Variants in PAX2 observed in about 807,000 individuals in gnomAD.
The protein encoded by PAX2 is paired box 2.
Under a neutral mutation model 41.7 loss-of-function variants are expected in PAX2, and 9 were observed. The observed-to-expected ratio is 0.22, with a 90% CI of 0.13 to 0.38. The LOEUF (loss-of-function observed/expected upper bound fraction) is 0.38. Among genes scored for constraint, PAX2 ranks in the 10% least tolerant of loss-of-function variants. The pLI, the probability that PAX2 is intolerant of heterozygous loss-of-function variation, is 1.00. For synonymous variants in PAX2, 221 were observed against 212.7 expected, an observed-to-expected ratio of 1.04 and a Z score of -0.34; for missense variants, 418 against 531.6, an observed-to-expected ratio of 0.79 and a Z score of 2.10.
At chr10:100,773,129 ATTTACTG>A (rs1244182145) in intron 3 of PAX2, among the ~76,000 whole-genome samples, 1 of 152,224 alleles carries the variant, frequency 6.6e-6, no homozygotes, top group African/African-American at 2.4e-5. Flanking sequence ...CAAATCCCAG[ATTTACTG>A]TTTATTAAAT....
At chr10:100,740,770 C>T (rs1310311471), upstream of PAX2, among the ~76,000 whole-genome samples, 1 of 51,796 alleles carries the variant, frequency 1.9e-5, no homozygotes, top group Non-Finnish European at 4.1e-5. Flanking sequence ...GGGTGAGTGG[C>T]CCCTTTAGGA....
At chr10:100,790,355 T>G (rs1434948526) in intron 5 of PAX2, among the ~76,000 whole-genome samples, 2 of 152,096 alleles carry the variant, frequency 1.3e-5, no homozygotes, top group Non-Finnish European at 2.9e-5. Context: ...AGCTCCATGT[T>G]TGCACCCTCG....
chr10:100,763,131 T>G (rs1363449403), intron 3 of PAX2, among the ~76,000 whole-genome samples: 5 of 152,232 alleles, frequency 3.3e-5, no homozygotes, highest in Admixed American at 6.5e-5. Context: ...CCTGTCCTCC[T>G]TTTTCTGTTT....
At chr10:100,758,329 A>T (rs1453991368) in intron 3 of PAX2, among the ~76,000 whole-genome samples, 1 of 151,926 alleles carries the variant, frequency 6.6e-6, no homozygotes, top group African/African-American at 2.4e-5. Flanking sequence ...TTTAGTAGAG[A>T]TGGGGTTTCA....
intron 7 of PAX2, among the ~76,000 whole-genome samples, chr10:100,809,654 G>A (rs2133957438): frequency 6.6e-6 from 1 of 152,336 alleles, no homozygotes; most frequent in South Asian, 2.1e-4. Flanking sequence ...AGGCTCCTGG[G>A]GGACCCGCTT....
chr10:100,803,696 A>G (rs1490947492), intron 5 of PAX2, among the ~76,000 whole-genome samples: 1 of 151,656 alleles, frequency 6.6e-6, no homozygotes, highest in Non-Finnish European at 1.5e-5. Flanking sequence ...GCATGCTTTC[A>G]TCACACCACT....
At chr10:100,808,275 T>C (rs1021604888) in intron 6 of PAX2, among the ~76,000 whole-genome samples, 2 of 151,156 alleles carry the variant, frequency 1.3e-5, no homozygotes, top group African/African-American at 4.9e-5. Context: ...GGAAGATCAA[T>C]ACGAGAAGGA....
intron 5 of PAX2, among the ~76,000 whole-genome samples, chr10:100,799,788 T>C (rs890747053): frequency 1.3e-4 from 17 of 127,946 alleles, no homozygotes; most frequent in African/African-American, 4.6e-4. Context: ...TTAGTGTAAT[T>C]CTTTTTTTTT....
At chr10:100,784,992 G>T (rs1846789915) in intron 5 of PAX2, among the ~76,000 whole-genome samples, 1 of 152,214 alleles carries the variant, frequency 6.6e-6, no homozygotes. Flanking sequence ...AGGAAGTTAT[G>T]TTCTGAAGCA....
upstream of PAX2, among the ~76,000 whole-genome samples, chr10:100,743,091 A>G (rs796778212): frequency 6.6e-5 from 10 of 151,532 alleles, no homozygotes; most frequent in Admixed American, 2.0e-4. Context: ...GGCTGGAGCT[A>G]ATGGGGAAGC....
chr10:100,805,022 A>T (rs1245607396), intron 5 of PAX2, among the ~76,000 whole-genome samples: 313 of 16,904 alleles, frequency 0.019, 4 homozygotes, highest in African/African-American at 0.074. Flanking sequence ...TCTCTCTCAC[A>T]TACACACACA....
chr10:100,782,857 C>T (rs927260319), intron 5 of PAX2, among the ~76,000 whole-genome samples: 10 of 152,282 alleles, frequency 6.6e-5, no homozygotes, highest in Non-Finnish European at 1.5e-4. Context: ...GGCCAAGCTC[C>T]TTGGCACCCC....
intron 3 of PAX2, among the ~76,000 whole-genome samples, chr10:100,751,763 C>T (rs1845452014): frequency 6.9e-6 from 1 of 145,278 alleles, no homozygotes; most frequent in Admixed American, 6.6e-5. Flanking sequence ...AGCTACAGAA[C>T]ATACAAGCAG....
intron 5 of PAX2, among the ~76,000 whole-genome samples, chr10:100,800,273 CTTTTTTTT>C (rs59487758): frequency 9.2e-5 from 10 of 108,380 alleles, no homozygotes; most frequent in Admixed American, 1.9e-4. Flanking sequence ...TCTTTTCTTT[CTTTTTTTT>C]TTTTTTTTTT....
chr10:100,819,259 A>G (rs12766403), intron 7 of PAX2, among the ~76,000 whole-genome samples: 26,028 of 144,650 alleles, frequency 0.18, 2,676 homozygotes, highest in Middle Eastern at 0.36. Context: ...AAAAAAAAAA[A>G]GGGGGGGGAG....
chr10:100,807,077 C>T (rs1481361079), intron 6 of PAX2, among the ~76,000 whole-genome samples: 1 of 152,094 alleles, frequency 6.6e-6, no homozygotes, highest in African/African-American at 2.4e-5. Flanking sequence ...CTGTGCCTGC[C>T]TCCTGCTCCC....
rs187173967 is a variant in PAX2 at position 100,819,262 on chromosome 10, G to A, written c.920-5386G>A. 1.1e-3 allele frequency among the ~76,000 whole-genome samples: 167 copies of A among 149,056 alleles called. 2 individuals are homozygous for A. The highest frequency in any genetic ancestry group is 3.5e-3 in the Admixed American group (52 of 14,960). The stretch of plus-strand genomic sequence containing the variant: ...GACTCTGTCTCAAAAAAAAAAAAGG[G>A]GGGGGAGTTTAAAAACATATCAATG... On this transcript the variant is annotated intron_variant, in intron 7 of 9. Transcript: ENST00000355243.
chr10:100,748,109 C>G lies in PAX2; in HGVS notation c.44-1637C>G, dbSNP rs975715973. On this transcript the variant is annotated intron_variant, in intron 1 of 9. Coordinates refer to ENST00000355243, the MANE Select transcript of PAX2 (RefSeq NM_000278.5). This position sits in a 1 kb window ranked among gnomAD's most constrained non-coding sequence, Gnocchi z 5.0. ...CGCCGACTCGCTGCAGTCCCCCAGC[C>G]CTGGACTCCCGCCGTGTCCCCTTCC... 1 of 985,034 alleles carries G rather than the reference C, an allele frequency of 1.0e-6. No homozygotes were observed. Among genetic ancestry groups the G allele is most frequent in the Non-Finnish European group, 1.2e-6 (1 of 829,928 alleles). 61.0% of individuals were successfully genotyped at this position (985,034 alleles called of 1,614,324 possible).
At chr10:100,783,430 T>G (rs1846714843) in intron 5 of PAX2, among the ~76,000 whole-genome samples, 2 of 152,118 alleles carry the variant, frequency 1.3e-5, no homozygotes, top group African/African-American at 4.8e-5. Flanking sequence ...AGGGCTGCTC[T>G]TTGAGGAGGG....
Sources: gnomAD v4.1 joint callset for allele counts (sites outside exome capture counted in the v4.1 genomes callset) on GRCh38, gnomAD v4.1.1 for gene constraint, Gnocchi (gnomAD v3.1) non-coding constraint, MANE v1.5 for transcripts, NCBI Gene and HGNC (gene_info 2026-07-23, HGNC 2026-07-21) for gene names.